Variants in TSHZ3 observed in about 807,000 individuals in gnomAD.
The protein encoded by TSHZ3 is teashirt homolog 3.
Under a neutral mutation model 64.5 loss-of-function variants are expected in TSHZ3, and 10 were observed. The ratio of observed to expected loss-of-function variants is 0.16; its 90% confidence interval spans 0.10 to 0.26. The LOEUF is 0.26. TSHZ3 is among the 10% of genes least tolerant of loss of function. The pLI is 1.00. For missense variants in TSHZ3, 1,242 were observed against 1,421.7 expected (o/e 0.87, Z 2.03); for synonymous variants, 608 against 593.1 (o/e 1.03, Z -0.36).
rs550603925 is a variant in TSHZ3, at chr19:31,226,048, A to C, written n.686+1957T>G. Among the ~76,000 whole-genome samples, 3 of 151,960 alleles carry C rather than the reference A, an allele frequency of 2.0e-5. No homozygotes were observed. The South Asian group carries it at 6.2e-4, about 32-fold the overall frequency. ...AAGCTGAGGCAGGAGAATCACTGGA[A>C]TCGGGAGATGGAGGTTGCAGTGAGC... On this transcript the variant is annotated intron_variant and non_coding_transcript_variant, in intron 4 of 6. Transcript: ENST00000651361.
At chr19:31,268,932 CA>C (rs1221276115) in intron 1 of TSHZ3, among the ~76,000 whole-genome samples, 2 of 152,100 alleles carry the variant, frequency 1.3e-5, no homozygotes, top group African/African-American at 4.8e-5. Flanking sequence ...TCTTGTACCC[CA>C]AGCTCAGCGC....
chr19:31,254,464 A>C (rs1975882666), intron 1 of TSHZ3, among the ~76,000 whole-genome samples: 2 of 152,300 alleles, frequency 1.3e-5, no homozygotes, highest in African/African-American at 2.4e-5. Context: ...GCCGGTCAGC[A>C]CCAATCCCCG....
At chr19:31,222,810 T>A (rs1975408381) in intron 4 of TSHZ3, among the ~76,000 whole-genome samples, 1 of 152,064 alleles carries the variant, frequency 6.6e-6, no homozygotes, top group Admixed American at 6.5e-5. Context: ...TCTCCATTTC[T>A]ATTTTGCCAT....
chr19:31,194,219 C>G (rs534474197), intron 5 of TSHZ3, among the ~76,000 whole-genome samples: 1 of 152,154 alleles, frequency 6.6e-6, no homozygotes, highest in Non-Finnish European at 1.5e-5. Context: ...CATTGGGTAT[C>G]CCTCACAATT....
At chr19:31,303,598 T>C (rs1009708345) in intron 1 of TSHZ3, among the ~76,000 whole-genome samples, 8 of 152,134 alleles carry the variant, frequency 5.3e-5, no homozygotes, top group Admixed American at 1.3e-4. Context: ...TGGTGGGTGC[T>C]GGTACAGGCT....
At chr19:31,250,743 A>T (rs978418997) in intron 1 of TSHZ3, among the ~76,000 whole-genome samples, 2 of 152,144 alleles carry the variant, frequency 1.3e-5, no homozygotes, top group African/African-American at 2.4e-5. Flanking sequence ...TGAAGTGGGG[A>T]CAAGAATCAT....
chr19:31,321,753 G>A (rs896451688), intron 1 of TSHZ3, among the ~76,000 whole-genome samples: 4 of 151,990 alleles, frequency 2.6e-5, no homozygotes, highest in Admixed American at 6.6e-5. Flanking sequence ...CTTAATTGTC[G>A]TTGATTACAT....
intron 5 of TSHZ3, among the ~76,000 whole-genome samples, chr19:31,175,288 G>GA (rs139453411): frequency 0.036 from 5,526 of 151,852 alleles, 347 homozygotes; most frequent in African/African-American, 0.13. Flanking sequence ...CAATTTTAAT[G>GA]AAAAAAAATA....
rs145302152 is a variant in TSHZ3, at chr19:31,186,033, T to C, written n.809+18923A>G. Among the ~76,000 whole-genome samples the C allele has an allele frequency of 1.6e-3, 250 of 152,346 alleles. 2 individuals are homozygous for C. In the East Asian group the frequency reaches 0.039, roughly 24 times the overall value. On this transcript the variant is annotated intron_variant and non_coding_transcript_variant, in intron 5 of 6. Coordinates refer to the TSHZ3 transcript ENST00000651361. ...TCATTTCTACTGCTGATTTGCATTC[T>C]GTTATGTGATTCTACCACAATCTTT...
Position 31,190,366 on chromosome 19 carries a change from G to A in TSHZ3, n.809+14590C>T, listed in dbSNP as rs916085338. Among the ~76,000 whole-genome samples, 6 of 152,254 alleles carry A rather than the reference G, an allele frequency of 3.9e-5. No individual in the cohort carries two copies. The South Asian group carries it at 1.0e-3, about 26-fold the overall frequency. ...AATTCCAGAGGATATATAGCACTGG[G>A]AGTCATAGGAGATTTATTCAGCCAG... is the stretch of plus-strand genomic sequence containing the variant. On this transcript the variant is annotated intron_variant and non_coding_transcript_variant, in intron 5 of 6. Coordinates refer to the TSHZ3 transcript ENST00000651361.
intron 1 of TSHZ3, among the ~76,000 whole-genome samples, chr19:31,340,428 GA>G (rs1033482621): frequency 7.7e-6 from 1 of 130,190 alleles, no homozygotes; most frequent in Non-Finnish European, 1.6e-5. Context: ...CCTCCCGCCT[GA>G]AAAAAAATAA....
intron 1 of TSHZ3, among the ~76,000 whole-genome samples, chr19:31,339,367 G>A (rs1294998306): frequency 3.3e-5 from 5 of 151,874 alleles, no homozygotes; most frequent in Admixed American, 6.6e-5. Context: ...TCTCCCACCC[G>A]CCACGCCACG....
chr19:31,228,636 G>A (rs758241749), intron 3 of TSHZ3, among the ~76,000 whole-genome samples: 33 of 151,998 alleles, frequency 2.2e-4, no homozygotes, highest in Non-Finnish European at 3.4e-4. Context: ...GAAGCTTAGG[G>A]TCAAACTTTC....
chr19:31,176,526 T>C (rs1974608692), intron 5 of TSHZ3, among the ~76,000 whole-genome samples: 1 of 152,184 alleles, frequency 6.6e-6, no homozygotes, highest in Non-Finnish European at 1.5e-5. Flanking sequence ...CCAAGCATGG[T>C]GTTTCGCTTG....
chr19:31,203,380 C>T (rs1975116113), intron 5 of TSHZ3, among the ~76,000 whole-genome samples: 1 of 151,990 alleles, frequency 6.6e-6, no homozygotes, highest in African/African-American at 2.4e-5. Flanking sequence ...TGGACTTTTT[C>T]CCAGAAAGGA....
At chr19:31,155,191 C>T (rs1421023298) in intron 6 of TSHZ3, among the ~76,000 whole-genome samples, 1 of 152,224 alleles carries the variant, frequency 6.6e-6, no homozygotes, top group African/African-American at 2.4e-5. Context: ...TGAATCTGGC[C>T]TCATCTAGAC....
At chr19:31,201,207 A>G (rs1350683191) in intron 5 of TSHZ3, among the ~76,000 whole-genome samples, 1 of 152,188 alleles carries the variant, frequency 6.6e-6, no homozygotes, top group East Asian at 1.9e-4. Flanking sequence ...TAATCATTTG[A>G]TTTTTAATAA....
At chr19:31,179,135 C>G (rs1404276713) in intron 5 of TSHZ3, among the ~76,000 whole-genome samples, 1 of 152,052 alleles carries the variant, frequency 6.6e-6, no homozygotes, top group Non-Finnish European at 1.5e-5. Flanking sequence ...CAGGACTACT[C>G]ACAACAATGG....
intron 5 of TSHZ3, among the ~76,000 whole-genome samples, chr19:31,198,690 C>CTG (rs1975028824): frequency 6.6e-6 from 1 of 151,928 alleles, no homozygotes; most frequent in South Asian, 2.1e-4. Context: ...TAATACCCCC[C>CTG]AAAATGAAAT....
Sources: gnomAD v4.1 joint callset for allele counts (sites outside exome capture counted in the v4.1 genomes callset) on GRCh38, gnomAD v4.1.1 for gene constraint, MANE v1.5 for transcripts, NCBI Gene and HGNC (gene_info 2026-07-23, HGNC 2026-07-21) for gene names.